Variants in C3orf18 observed in about 807,000 individuals in gnomAD.
C3orf18 encodes chromosome 3 open reading frame 18.
A neutral mutation model predicts 14.1 loss-of-function variants in C3orf18; 12 were observed. The observed-to-expected ratio is 0.85, with a 90% CI of 0.55 to 1.38. C3orf18 has a LOEUF of 1.38. Among genes scored for constraint, C3orf18 ranks in the 40% most tolerant of loss-of-function variants. C3orf18 has a pLI of 0.00. For missense variants in C3orf18, 196 were observed against 213.9 expected (o/e 0.92, Z 0.52); for synonymous variants, 82 against 87.9 (o/e 0.93, Z 0.38).
At chr3:50,573,415 G>C (rs574944764), upstream of C3orf18, among the ~76,000 whole-genome samples, 2 of 152,340 alleles carry the variant, frequency 1.3e-5, no homozygotes, top group East Asian at 3.9e-4. Flanking sequence ...GAGATCATTT[G>C]CTGTCTCCGG....
chr3:50,565,734 C>A lies in C3orf18; in HGVS notation c.-35G>T. On this transcript the variant is annotated 5_prime_UTR_variant, in exon 3 of 6. The change creates a new upstream start codon in the 5' untranslated region. Coordinates refer to ENST00000357203, the MANE Select transcript of C3orf18 (RefSeq NM_016210.5). The surrounding 1 kb of genome is among the most constrained non-coding windows in gnomAD (Gnocchi z 4.4). ...GAGAGGGCCCTGGCTGAGAGGCTGC[C>A]TGATGCCAGTCAACCTGCCCACTCA... 6.5e-7 allele frequency: 1 copy of A among 1,530,402 alleles called. No homozygotes were observed. The highest frequency in any genetic ancestry group is 8.9e-7 in the Non-Finnish European group (1 of 1,122,040). 94.8% of individuals were successfully genotyped at this position (1,530,402 alleles called of 1,614,324 possible).
upstream of C3orf18, chr3:50,570,188 T>A (rs1258631319): frequency 6.6e-6 from 1 of 152,240 alleles, no homozygotes; most frequent in African/African-American, 2.4e-5. Context: ...TCGCTTCCCT[T>A]CTCTGACCCT....
chr3:50,559,228 G>A lies in C3orf18; in HGVS notation c.*429C>T, dbSNP rs1435093512. 2.2e-5 allele frequency: 28 copies of A among 1,283,226 alleles called. No homozygotes were observed. The highest frequency in any genetic ancestry group is 4.8e-5 in the Admixed American group (2 of 42,058). 79.5% of individuals were successfully genotyped at this position (1,283,226 alleles called of 1,614,324 possible). On this transcript the variant is annotated 3_prime_UTR_variant, in exon 6 of 6. Coordinates refer to ENST00000357203, the MANE Select transcript of C3orf18 (RefSeq NM_016210.5). Reference sequence around the variant, plus strand: ...GGTGGTTTCCTCTCCCCACCCCAGAGGAGGCTCCAGATTCCAAAAAACAGG... The same window carrying A: ...GGTGGTTTCCTCTCCCCACCCCAGAAGAGGCTCCAGATTCCAAAAAACAGG...
upstream of C3orf18, among the ~76,000 whole-genome samples, chr3:50,567,934 C>G (rs1421359627): frequency 6.6e-6 from 1 of 152,266 alleles, no homozygotes; most frequent in Non-Finnish European, 1.5e-5. Context: ...GGGCGGAGGA[C>G]AGTGGGTGGC....
chr3:50,574,499 A>G (rs1415941789), upstream of C3orf18, among the ~76,000 whole-genome samples: 1 of 151,998 alleles, frequency 6.6e-6, no homozygotes, highest in Non-Finnish European at 1.5e-5. Flanking sequence ...GAGGTCTTTG[A>G]GTATCTCTGT....
chr3:50,565,886 T>C lies in C3orf18; in HGVS notation c.-162-25A>G, dbSNP rs1700262489. On this transcript the variant is annotated intron_variant, in intron 2 of 5. Coordinates refer to ENST00000357203, the MANE Select transcript of C3orf18 (RefSeq NM_016210.5). This position sits in a 1 kb window ranked among gnomAD's most constrained non-coding sequence, Gnocchi z 4.4. ...GCTAGAAAGGAAAGAATAAGAAACA[T>C]GAGGCTAAGGACAGGGGCTCAGTAG... is the stretch of plus-strand genomic sequence containing the variant. The C allele has an allele frequency of 1.7e-6, 1 of 594,492 alleles. No homozygotes were observed. The highest frequency in any genetic ancestry group is 2.8e-5 in the East Asian group (1 of 35,932). 36.8% of individuals were successfully genotyped at this position (594,492 alleles called of 1,614,324 possible). A position where few individuals can be genotyped will look rare whatever the true frequency, so the allele number is the denominator to read the frequency against.
Position 50,561,079 on chromosome 3 carries a change from A to T in C3orf18, c.261-15T>A. The T allele has an allele frequency of 2.5e-6, 4 of 1,612,862 alleles. No individual in the cohort carries two copies. Among genetic ancestry groups the T allele is most frequent in the Non-Finnish European group, 3.4e-6 (4 of 1,179,294 alleles). On this transcript the variant is annotated splice_polypyrimidine_tract_variant and intron_variant, in intron 4 of 5. Transcript: ENST00000357203. ...GCTTCTCCAGCCTGGGGATGGGGGC[A>T]AAGGCTGCTGGGGACAGGGCAGGCC...
At chr3:50,571,803 T>G (rs1700996063), upstream of C3orf18, 2 of 1,613,148 alleles carry the variant, frequency 1.2e-6, no homozygotes, top group Admixed American at 3.3e-5. Context: ...ATTGCAGAGG[T>G]GAGCACCCAT....
chr3:50,567,712 G>A lies in C3orf18; in HGVS notation c.-501C>T, dbSNP rs1412352441. ...GGGACCCACGGCGGAGGTGGGGCCG[G>A]GCCGAGCAGCCTCGGGGGATCCCCG... On this transcript the variant is annotated 5_prime_UTR_variant, in exon 1 of 6. Transcript: ENST00000357203. The A allele has an allele frequency of 6.6e-6, 1 of 152,286 alleles. No homozygotes were observed. Among genetic ancestry groups the A allele is most frequent in the Non-Finnish European group, 1.5e-5 (1 of 68,088 alleles). The allele number at this position is 152,286 out of a possible 1,614,324, so 9.4% of individuals were successfully genotyped here. A position where few individuals can be genotyped will look rare whatever the true frequency, so the allele number is the denominator to read the frequency against.
At chr3:50,566,415 C>T (rs1347991390) in intron 1 of C3orf18, among the ~76,000 whole-genome samples, 1 of 152,042 alleles carries the variant, frequency 6.6e-6, no homozygotes, top group Admixed American at 6.6e-5. Context: ...TTGAGAACAT[C>T]CCCACAGGGT....
chr3:50,569,587 G>C (rs927649022), upstream of C3orf18: 1 of 152,322 alleles, frequency 6.6e-6, no homozygotes, highest in Non-Finnish European at 1.5e-5. Flanking sequence ...ATGCATGGGA[G>C]GTGGGGATCG....
At chr3:50,562,102 G>C (rs1349610818) in intron 3 of C3orf18, among the ~76,000 whole-genome samples, 1 of 152,188 alleles carries the variant, frequency 6.6e-6, no homozygotes, top group Non-Finnish European at 1.5e-5. Flanking sequence ...GTTTTACCAT[G>C]TTGGCCAGGC....
chr3:50,570,527 C>T (rs886463797), upstream of C3orf18: 5 of 152,294 alleles, frequency 3.3e-5, no homozygotes, highest in African/African-American at 1.2e-4. Context: ...GTTGAGCTGC[C>T]TCCCAGGCCT....
upstream of C3orf18, among the ~76,000 whole-genome samples, chr3:50,573,760 A>T (rs1701275271): frequency 6.6e-6 from 1 of 152,162 alleles, no homozygotes; most frequent in South Asian, 2.1e-4. Context: ...GGTGCAGGGG[A>T]TGGTTTCTGA....
chr3:50,561,696 G>A, intron 4 of C3orf18, 26 bp downstream of exon 4: 1 of 1,612,348 alleles, frequency 6.2e-7, no homozygotes, highest in Non-Finnish European at 8.5e-7. Flanking sequence ...GTTTTGGGTG[G>A]GATTTGGGTT....
intron 4 of C3orf18, 59 bp downstream of exon 4, chr3:50,561,663 C>A: frequency 6.4e-7 from 1 of 1,555,970 alleles, no homozygotes. Context: ...CGGAGCCCAG[C>A]CCAGCACTCC....
intron 3 of C3orf18, among the ~76,000 whole-genome samples, chr3:50,564,470 C>T (rs1468480559): frequency 6.6e-6 from 1 of 152,206 alleles, no homozygotes; most frequent in East Asian, 1.9e-4. Context: ...ACACGGAGGC[C>T]AGGCTTCCAC....
chr3:50,563,374 C>T (rs1424214174), intron 3 of C3orf18, among the ~76,000 whole-genome samples: 2 of 152,134 alleles, frequency 1.3e-5, no homozygotes, highest in Admixed American at 6.5e-5. Context: ...CCTCCTCCCT[C>T]CCCTGAGACC....
chr3:50,560,526 G>A (rs1699901281), intron 5 of C3orf18, among the ~76,000 whole-genome samples: 2 of 152,218 alleles, frequency 1.3e-5, no homozygotes, highest in Admixed American at 6.5e-5. Context: ...AGAGGAACCT[G>A]GGGTCCTAGC....
Sources: gnomAD v4.1 joint callset for allele counts (sites outside exome capture counted in the v4.1 genomes callset) on GRCh38, gnomAD v4.1.1 for gene constraint, Gnocchi (gnomAD v3.1) non-coding constraint, MANE v1.5 for transcripts, NCBI Gene and HGNC (gene_info 2026-07-23, HGNC 2026-07-21) for gene names.